STAB2: variants seen among roughly 807,000 people sequenced by gnomAD.
STAB2 encodes stabilin 2.
A neutral mutation model predicts 338.1 loss-of-function variants in STAB2; 288 were observed. The ratio of observed to expected loss-of-function variants is 0.85; its 90% CI spans 0.77 to 0.94. STAB2 has a LOEUF of 0.94. Among genes scored for constraint, STAB2 ranks in the 40% least tolerant of loss-of-function variants. The probability of loss-of-function intolerance (pLI) is 0.00; values close to 1 mark genes in which losing one functional copy is unlikely to be tolerated. For missense variants in STAB2, 3,141 were observed against 3,210.1 expected (o/e 0.98, Z 0.52); for synonymous variants, 1,202 against 1,193.3 (o/e 1.01, Z -0.15).
intron 53 of STAB2, among the ~76,000 whole-genome samples, 184 bp downstream of exon 53, chr12:103,737,964 C>T (rs2139109493): frequency 6.6e-6 from 1 of 152,238 alleles, no homozygotes; most frequent in South Asian, 2.1e-4. Flanking sequence ...CTACTTAGCC[C>T]CACACAGCCT....
chr12:103,639,022 G>T (rs571305841), intron 8 of STAB2, among the ~76,000 whole-genome samples: 1 of 152,264 alleles, frequency 6.6e-6, no homozygotes, highest in African/African-American at 2.4e-5. Context: ...CAAAGAGAAA[G>T]GATATATTAT....
intron 44 of STAB2, among the ~76,000 whole-genome samples, chr12:103,723,220 A>G (rs2139047516): frequency 6.6e-6 from 1 of 152,348 alleles, no homozygotes; most frequent in Middle Eastern, 3.4e-3. Context: ...TGATAAAGAC[A>G]TACTCCAGAC....
Position 103,645,239 on chromosome 12 carries a change from T to A in STAB2, c.1041-3451T>A, listed in dbSNP as rs1873243834. On this transcript the variant is annotated intron_variant, in intron 9 of 68. Coordinates refer to ENST00000388887, the MANE Select transcript of STAB2 (RefSeq NM_017564.10). Reference sequence around the variant, plus strand: ...AAAAGAAAACAATTTCCTAAAGAGGTGATGTTGTGAATGTTCCATGGCTCA... The same window carrying A: ...AAAAGAAAACAATTTCCTAAAGAGGAGATGTTGTGAATGTTCCATGGCTCA... Among the ~76,000 whole-genome samples the A allele has an allele frequency of 2.0e-5, 3 of 152,140 alleles. No homozygotes were observed. In the South Asian group the frequency reaches 6.2e-4, roughly 32 times the overall value.
At chr12:103,591,782 A>C (rs192945593) in intron 2 of STAB2, among the ~76,000 whole-genome samples, 1 of 152,320 alleles carries the variant, frequency 6.6e-6, no homozygotes, top group East Asian at 1.9e-4. Context: ...CAAAACTCTG[A>C]TAACTCAAGG....
At chr12:103,685,840 C>A (rs1877381998) in intron 27 of STAB2, among the ~76,000 whole-genome samples, 1 of 152,134 alleles carries the variant, frequency 6.6e-6, no homozygotes, top group Admixed American at 6.5e-5. Flanking sequence ...AATTTACCAT[C>A]TTTACCATTT....
rs373916641 is a variant in STAB2, at chr12:103,753,391, C to G, written c.6714+38C>G. On this transcript the variant is annotated intron_variant, in intron 61 of 68. Coordinates refer to ENST00000388887, the MANE Select transcript of STAB2 (RefSeq NM_017564.10). ...TTAGCAGATTCTGTGCAGACAGAGT[C>G]TGCAGGGGCGGAAGTGCAGCCCTTT... The G allele has an allele frequency of 1.7e-5, 28 of 1,613,726 alleles. No individual in the cohort carries two copies. The African/African-American group carries it at 2.7e-4, about 15-fold the overall frequency.
In STAB2 at chr12:103,591,011, G is replaced by A; in HGVS notation, c.196G>A (p.Val66Ile). 1.2e-6 allele frequency: 2 copies of A among 1,614,064 alleles called. No individual in the cohort carries two copies. Among genetic ancestry groups the A allele is most frequent in the African/African-American group, 2.7e-5 (2 of 75,014 alleles). The stretch of plus-strand genomic sequence containing the variant: ...TTACACCATGATTACCAGTGGCTCT[G>A]TAGGGGTTCGAGATTGCAGGTACTC... ...DGYTMITSGS[V>I]GVRDCRYTFE... is the part of the protein sequence containing the mutation. Residue 66 changes from valine (V) to isoleucine (I), a missense_variant, in exon 2 of 69, where the codon GTA (valine) becomes ATA (isoleucine). By Grantham distance (29) the Val-to-Ile change is conservative. Transcript: ENST00000388887.
At chr12:103,716,302 A>G (rs1880306443) in intron 43 of STAB2, among the ~76,000 whole-genome samples, 1 of 152,202 alleles carries the variant, frequency 6.6e-6, no homozygotes, top group Non-Finnish European at 1.5e-5. Flanking sequence ...GGCCCTGAGT[A>G]CCATGAGCTT....
intron 64 of STAB2, 120 bp downstream of exon 64, chr12:103,758,409 T>A (rs556595835): frequency 6.7e-7 from 1 of 1,500,442 alleles, no homozygotes; most frequent in South Asian, 1.3e-5. Context: ...TCACAGATCA[T>A]CTGCAGATCA....
chr12:103,739,012 G>C (rs1450409788), intron 53 of STAB2, among the ~76,000 whole-genome samples: 4 of 152,122 alleles, frequency 2.6e-5, no homozygotes, highest in African/African-American at 4.8e-5. Flanking sequence ...GCCTTGCTCT[G>C]TCATCCAGGC....
intron 2 of STAB2, among the ~76,000 whole-genome samples, chr12:103,593,458 C>T (rs1411494174): frequency 6.6e-6 from 1 of 152,152 alleles, no homozygotes; most frequent in Non-Finnish European, 1.5e-5. Context: ...CTATTGGCCA[C>T]TTGTATTCTT....
intron 23 of STAB2, among the ~76,000 whole-genome samples, chr12:103,675,297 G>A (rs974711405): frequency 2.0e-5 from 3 of 152,186 alleles, no homozygotes; most frequent in African/African-American, 4.8e-5. Context: ...TTTGAGAGGA[G>A]CGTCTGGAAA....
intron 6 of STAB2, among the ~76,000 whole-genome samples, chr12:103,632,261 T>C (rs529401586): frequency 6.6e-6 from 1 of 152,200 alleles, no homozygotes; most frequent in Non-Finnish European, 1.5e-5. Context: ...ACAAGGGAAG[T>C]TTAATAGGGA....
At chr12:103,727,212 C>A in intron 46 of STAB2, 55 bp from the exon 47 acceptor site, 9 of 1,592,188 alleles carry the variant, frequency 5.7e-6, no homozygotes, top group Non-Finnish European at 7.8e-6. Flanking sequence ...GTTTGAGCCC[C>A]GGCATGTATT....
chr12:103,650,291 T>C (rs990937203), intron 10 of STAB2, among the ~76,000 whole-genome samples: 7 of 152,138 alleles, frequency 4.6e-5, no homozygotes, highest in East Asian at 1.9e-4. Context: ...CACGGCATTA[T>C]GTGGAATGTA....
chr12:103,705,750 A>G, intron 37 of STAB2, 23 bp downstream of exon 37: 1 of 1,605,924 alleles, frequency 6.2e-7, no homozygotes, highest in South Asian at 1.1e-5. Context: ...ATTGAATCAT[A>G]CTAACTACTG....
At position 103,708,499 on chromosome 12, in the gene STAB2, CTG is replaced by C. The variant is rs780151786; in HGVS notation, c.4254_4255del (p.Cys1418Ter). ...GACCCTTGGGAGATGGCTCCTGTGA[CTG>C]TGATGTTGGCTGGCGAGGAGTGCAT... ...QGPLGDGSCD[C>X]DVGWRGVHCD... On this transcript the variant is annotated frameshift_variant, in exon 39 of 69. Coordinates refer to ENST00000388887, the MANE Select transcript of STAB2 (RefSeq NM_017564.10). LOFTEE classifies it high-confidence loss of function. The C allele has an allele frequency of 1.1e-5, 17 of 1,613,952 alleles. No homozygotes were observed. The highest frequency in any genetic ancestry group is 1.3e-5 in the Non-Finnish European group (15 of 1,179,958).
chr12:103,640,167 A>T lies in STAB2; in HGVS notation c.951A>T (p.Gly317=). ...CKEHYQNFVP[G]VGCSMTDICK... The stretch of plus-strand genomic sequence containing the variant: ...AGCATTACCAGAATTTCGTACCTGG[A>T]GTGGGGTGCAGTATGACTGATATAT... Residue 317 remains glycine (G), a synonymous_variant, in exon 9 of 69, where the codon GGA becomes GGT. Transcript: ENST00000388887. The T allele has an allele frequency of 6.2e-7, 1 of 1,613,632 alleles. No homozygotes were observed. The highest frequency in any genetic ancestry group is 8.5e-7 in the Non-Finnish European group (1 of 1,179,680).
chr12:103,705,502 A>G (rs1459654817), intron 36 of STAB2, 130 bp from the exon 37 acceptor site: 17 of 705,376 alleles, frequency 2.4e-5, no homozygotes. Flanking sequence ...CAGTGCCAAC[A>G]AGCCACCACC....
Sources: gnomAD v4.1 joint callset for allele counts (sites outside exome capture counted in the v4.1 genomes callset) on GRCh38, gnomAD v4.1.1 for gene constraint, MANE v1.5 for transcripts, NCBI Gene and HGNC (gene_info 2026-07-23, HGNC 2026-07-21) for gene names.